The following PRPH2 variants were observed in gnomAD, a reference collection of about 807,000 sequenced individuals.
PRPH2 encodes peripherin-2.
PRPH2 carries 17 observed loss-of-function variants against 31.3 expected under a neutral mutation model. The ratio of observed to expected loss-of-function variants is 0.54; its 90% CI spans 0.37 to 0.81. The LOEUF (loss-of-function observed/expected upper bound fraction) is 0.81, where lower values mean the gene tolerates loss of function less well. Among genes scored for constraint, PRPH2 ranks in the 40% least tolerant of loss-of-function variants. The pLI, the probability that PRPH2 is intolerant of heterozygous loss-of-function variation, is 0.00. For missense variants in PRPH2, 430 were observed against 439.7 expected, an observed-to-expected ratio of 0.98 and a Z score of 0.20; for synonymous variants, 165 against 184.4, an observed-to-expected ratio of 0.89 and a Z score of 0.85.
chr6:42,710,641 G>A (rs1264151019), intron 1 of PRPH2, among the ~76,000 whole-genome samples: 2 of 152,206 alleles, frequency 1.3e-5, no homozygotes, highest in East Asian at 1.9e-4. Context: ...GGGGCCGGGG[G>A]CGGTGGAGGA....
chr6:42,698,745 T>C (rs1201838460), intron 2 of PRPH2, among the ~76,000 whole-genome samples: 1 of 152,176 alleles, frequency 6.6e-6, no homozygotes, highest in Admixed American at 6.5e-5. Context: ...CATCCTGGGC[T>C]GCTTCGGATT....
At chr6:42,716,211 A>G (rs988415248) in intron 1 of PRPH2, among the ~76,000 whole-genome samples, 3 of 151,952 alleles carry the variant, frequency 2.0e-5, no homozygotes, top group African/African-American at 7.3e-5. Flanking sequence ...AAAGAGGCTC[A>G]CCCGAACCTC....
intron 1 of PRPH2, among the ~76,000 whole-genome samples, chr6:42,718,740 C>T (rs1475833610): frequency 1.3e-5 from 2 of 152,044 alleles, no homozygotes; most frequent in African/African-American, 4.8e-5. Context: ...CCTCTGCCTC[C>T]TGGGCTCAAA....
intron 1 of PRPH2, among the ~76,000 whole-genome samples, chr6:42,717,268 T>A (rs1009687341): frequency 2.0e-5 from 3 of 150,934 alleles, no homozygotes; most frequent in African/African-American, 7.3e-5. Context: ...CAAAAAAAAA[T>A]AAATAGGTGG....
At chr6:42,706,334 G>T (rs1800163914) in intron 1 of PRPH2, among the ~76,000 whole-genome samples, 2 of 151,774 alleles carry the variant, frequency 1.3e-5, no homozygotes, top group Admixed American at 6.6e-5. Context: ...GAACCCAGGG[G>T]GCGGAGCTTG....
chr6:42,705,600 ATATATATATAT>A (rs1187689365), intron 1 of PRPH2, among the ~76,000 whole-genome samples: 8 of 3,678 alleles, frequency 2.2e-3, no homozygotes, highest in African/African-American at 3.6e-3. Flanking sequence ...AAAAAAAAAA[ATATATATATAT>A]ATATATATAT....
chr6:42,716,992 A>G, intron 1 of PRPH2, among the ~76,000 whole-genome samples: 1 of 77,208 alleles, frequency 1.3e-5, no homozygotes, highest in East Asian at 4.1e-4. Context: ...TTTTTGGTAG[A>G]GGTGAAGTCT....
intron 1 of PRPH2, among the ~76,000 whole-genome samples, chr6:42,708,455 G>T (rs938910307): frequency 1.3e-5 from 2 of 152,236 alleles, no homozygotes; most frequent in African/African-American, 4.8e-5. Context: ...GGGAAGACAA[G>T]CTGGAGCAGT....
chr6:42,704,687 T>C (rs939312830), intron 1 of PRPH2, 76 bp from the exon 2 acceptor site: 2 of 1,599,188 alleles, frequency 1.3e-6, no homozygotes, highest in Non-Finnish European at 1.7e-6. Context: ...AACCCCTGCC[T>C]CTGGAAACCT....
intron 1 of PRPH2, among the ~76,000 whole-genome samples, chr6:42,715,390 C>T (rs1761757300): frequency 6.6e-6 from 1 of 151,684 alleles, no homozygotes; most frequent in Non-Finnish European, 1.5e-5. Context: ...GCAGCCAAAA[C>T]TCAGGTGCAG....
rs1191234158 is a variant in PRPH2 at position 42,714,482 on chromosome 6, C to T, written c.581+7272G>A. Reference sequence around the variant, plus strand: ...TTGAATTGCATACTTTTAATGGGTACATTGTATAGTGAGTGAATTATATCT... The same window carrying T: ...TTGAATTGCATACTTTTAATGGGTATATTGTATAGTGAGTGAATTATATCT... On this transcript the variant is annotated intron_variant, in intron 1 of 2. Coordinates refer to ENST00000230381, the MANE Select transcript of PRPH2 (RefSeq NM_000322.5). Among the ~76,000 whole-genome samples, 4 of 152,222 alleles carry T rather than the reference C, an allele frequency of 2.6e-5. No homozygotes were observed. The East Asian group carries it at 7.7e-4, about 29-fold the overall frequency.
chr6:42,721,425 C>T (rs1761899733), intron 1 of PRPH2, among the ~76,000 whole-genome samples: 1 of 152,164 alleles, frequency 6.6e-6, no homozygotes, highest in Non-Finnish European at 1.5e-5. Flanking sequence ...ACTTCCATCC[C>T]TCTGTATAAA....
Position 42,706,666 on chromosome 6 carries a change from A to T in PRPH2, c.582-2055T>A, listed in dbSNP as rs373505634. On this transcript the variant is annotated intron_variant, in intron 1 of 2. Transcript: ENST00000230381. ...TTACATAATAGACTTTTAGAACATAATAGAAAGCATAACTGTTTCCAATAG... is the reference window on the plus strand; with the variant it reads ...TTACATAATAGACTTTTAGAACATATTAGAAAGCATAACTGTTTCCAATAG... Among the ~76,000 whole-genome samples the T allele has an allele frequency of 1.5e-3, 222 of 152,248 alleles. 8 individuals carry two copies. The South Asian group carries it at 0.043, about 30-fold the overall frequency.
At chr6:42,708,042 T>C (rs1023437449) in intron 1 of PRPH2, among the ~76,000 whole-genome samples, 14 of 152,178 alleles carry the variant, frequency 9.2e-5, no homozygotes, top group Non-Finnish European at 2.1e-4. Flanking sequence ...TATTAATACA[T>C]AGTAGCCATG....
rs149350442 is a variant in PRPH2 at position 42,717,710 on chromosome 6, C to A, written c.581+4044G>T. On this transcript the variant is annotated intron_variant, in intron 1 of 2. Transcript: ENST00000230381. ...CTTGGAGGTGGGAGTAAATGCCATT[C>A]CACAGTCTCTCATTCATTCCTTCTT... 6.6e-3 allele frequency among the ~76,000 whole-genome samples: 1,007 copies of A among 152,236 alleles called. 7 individuals carry two copies. The highest frequency in any genetic ancestry group is 0.024 in the African/African-American group (977 of 41,520).
intron 1 of PRPH2, among the ~76,000 whole-genome samples, chr6:42,714,491 G>A (rs2152008369): frequency 6.6e-6 from 1 of 152,260 alleles, no homozygotes; most frequent in African/African-American, 2.4e-5. Flanking sequence ...ACATTGTATA[G>A]TGAGTGAATT....
In PRPH2 at chr6:42,706,153, C is replaced by A. The variant is rs549439041; in HGVS notation, c.582-1542G>T. On this transcript the variant is annotated intron_variant, in intron 1 of 2. Coordinates refer to ENST00000230381, the MANE Select transcript of PRPH2 (RefSeq NM_000322.5). ...GGGCACGGTGGCTCAAGCCTGTAAT[C>A]CCAGCACTTTGGGAGGCTGAGGCGG... is the stretch of plus-strand genomic sequence containing the variant. 3.3e-5 allele frequency among the ~76,000 whole-genome samples: 5 copies of A among 151,932 alleles called. No individual in the cohort carries two copies. The East Asian group carries it at 9.8e-4, about 30-fold the overall frequency.
chr6:42,702,715 C>CA (rs978631717), intron 2 of PRPH2, among the ~76,000 whole-genome samples: 1 of 150,782 alleles, frequency 6.6e-6, no homozygotes, highest in Non-Finnish European at 1.5e-5. Context: ...ACTAAAAATA[C>CA]AAAAACTGGC....
chr6:42,721,886 C>T lies in PRPH2; in HGVS notation c.449G>A (p.Cys150Tyr). 6.2e-7 allele frequency: 1 copy of T among 1,614,226 alleles called. No individual in the cohort carries two copies. Among genetic ancestry groups the T allele is most frequent in the Non-Finnish European group, 8.5e-7 (1 of 1,180,048 alleles). The change falls in exon 1 of 3, where the codon TGT becomes TAT. Residue 150 changes from cysteine (C) to tyrosine (Y), a missense_variant. Coordinates refer to ENST00000230381, the MANE Select transcript of PRPH2 (RefSeq NM_000322.5). ...CATGTCGATGGTCTTCTTCATGAAA[C>T]ACCTGCCAGGGGTGTCTGTGTCCCG... ...YYRDTDTPGR[C>Y]FMKKTIDMLQ... is the part of the protein sequence containing the mutation.
Sources: gnomAD v4.1 joint callset for allele counts (sites outside exome capture counted in the v4.1 genomes callset) on GRCh38, gnomAD v4.1.1 for gene constraint, MANE v1.5 for transcripts, NCBI Gene and HGNC (gene_info 2026-07-23, HGNC 2026-07-21) for gene names.